Variants in CHL1 observed in about 807,000 individuals in gnomAD.
CHL1 encodes cell adhesion molecule L1 like.
Under a neutral mutation model 141.9 loss-of-function variants are expected in CHL1, and 96 were observed. The ratio of observed to expected loss-of-function variants is 0.68; its 90% CI spans 0.57 to 0.80. CHL1 has a LOEUF of 0.80. Ranked by LOEUF, CHL1 falls within the 30% of genes least tolerant of loss-of-function variation. The pLI, the probability that CHL1 is intolerant of heterozygous loss-of-function variation, is 0.00. For missense variants in CHL1, 1,820 were observed against 1,457.2 expected (o/e 1.25, Z -4.05); for synonymous variants, 613 against 502.2 (o/e 1.22, Z -2.95).
At chr3:315,392 C>T (rs1559242021) in intron 2 of CHL1, among the ~76,000 whole-genome samples, 1 of 152,102 alleles carries the variant, frequency 6.6e-6, no homozygotes, top group African/African-American at 2.4e-5. Context: ...AGTAGCTTTG[C>T]ACTTACTTGG....
chr3:366,120 G>A lies in CHL1; in HGVS notation c.1751+5G>A. 6.2e-7 allele frequency: 1 copy of A among 1,612,206 alleles called. No individual in the cohort carries two copies. Among genetic ancestry groups the A allele is most frequent in the Non-Finnish European group, 8.5e-7 (1 of 1,178,906 alleles). The stretch of plus-strand genomic sequence containing the variant: ...TAATGGCACAGAAGATGGCAGGTAG[G>A]TAAACTATTATGATATGTCATAATA... On this transcript the variant is annotated splice_donor_5th_base_variant and intron_variant, in intron 15 of 27. Transcript: ENST00000256509.
intron 27 of CHL1, among the ~76,000 whole-genome samples, chr3:403,573 C>A (rs1275993934): frequency 1.3e-5 from 2 of 151,932 alleles, no homozygotes; most frequent in Non-Finnish European, 1.5e-5. Flanking sequence ...CACAAACAAA[C>A]AAACAAGCAA....
chr3:357,488 G>A (rs13083718), intron 11 of CHL1, among the ~76,000 whole-genome samples: 78,666 of 151,958 alleles, frequency 0.52, 21,694 homozygotes, highest in Admixed American at 0.68. Context: ...ACTCAGAGAG[G>A]TTACATTACT....
At chr3:198,562 T>C (rs1698620779) in intron 1 of CHL1, among the ~76,000 whole-genome samples, 1 of 152,182 alleles carries the variant, frequency 6.6e-6, no homozygotes, top group South Asian at 2.1e-4. Context: ...ATACGGAGAT[T>C]ATCGATACCC....
At chr3:398,800 CA>C (rs1269856913) in intron 25 of CHL1, among the ~76,000 whole-genome samples, 1 of 152,182 alleles carries the variant, frequency 6.6e-6, no homozygotes, top group African/African-American at 2.4e-5. Context: ...TCCTCGGAAT[CA>C]AACACAACTC....
At chr3:322,894 A>T (rs942079529) in intron 3 of CHL1, among the ~76,000 whole-genome samples, 1 of 151,406 alleles carries the variant, frequency 6.6e-6, no homozygotes, top group Non-Finnish European at 1.5e-5. Flanking sequence ...CTCTCAAAAC[A>T]AAGCAAAACA....
chr3:404,828 G>A (rs1304276593), intron 27 of CHL1, among the ~76,000 whole-genome samples: 5 of 152,216 alleles, frequency 3.3e-5, no homozygotes, highest in African/African-American at 1.2e-4. Context: ...GTCCATTAGG[G>A]CTACTATAAC....
intron 2 of CHL1, among the ~76,000 whole-genome samples, chr3:313,918 T>C (rs1031315813): frequency 3.9e-5 from 6 of 152,072 alleles, no homozygotes; most frequent in Non-Finnish European, 7.4e-5. Context: ...GGCTATAACT[T>C]TCAAAACTCT....
rs749941954 is a variant in CHL1 at position 328,137 on chromosome 3, A to G, written c.198-30A>G. The G allele has an allele frequency of 6.2e-5, 95 of 1,538,438 alleles. 1 individual carries two copies. Among genetic ancestry groups the G allele is most frequent in the Middle Eastern group, 5.2e-4 (3 of 5,792 alleles). On this transcript the variant is annotated intron_variant, in intron 4 of 27. Transcript: ENST00000256509. ...CTCTAAACATATGTCATTATTTTTC[A>G]GGATTATTAAGTTCAGTTTTATGTT... is the stretch of plus-strand genomic sequence containing the variant.
At chr3:242,681 AACAC>A (rs71634793) in intron 1 of CHL1, among the ~76,000 whole-genome samples, 27 of 142,982 alleles carry the variant, frequency 1.9e-4, no homozygotes, top group East Asian at 1.0e-3. Context: ...CATGCACACA[AACAC>A]ACACACACAC....
intron 2 of CHL1, among the ~76,000 whole-genome samples, chr3:306,923 A>G (rs962347735): frequency 2.0e-5 from 3 of 152,214 alleles, no homozygotes; most frequent in Admixed American, 2.0e-4. Flanking sequence ...GCAAAGAAAA[A>G]TAAAATCATA....
intron 5 of CHL1, among the ~76,000 whole-genome samples, chr3:336,959 G>A (rs1449692727): frequency 6.6e-6 from 1 of 152,124 alleles, no homozygotes; most frequent in East Asian, 1.9e-4. Context: ...CAAAAACCTA[G>A]ATGTGAATAT....
intron 15 of CHL1, among the ~76,000 whole-genome samples, chr3:374,759 G>A (rs978413891): frequency 2.6e-5 from 4 of 152,168 alleles, no homozygotes; most frequent in South Asian, 2.1e-4. Flanking sequence ...GGGCATGCAC[G>A]GTGATATAGC....
intron 2 of CHL1, among the ~76,000 whole-genome samples, chr3:294,011 C>T (rs1427821305): frequency 2.0e-5 from 3 of 151,916 alleles, no homozygotes; most frequent in East Asian, 1.9e-4. Context: ...ACCCATCCAC[C>T]TTAGATTTTT....
At chr3:286,668 T>C (rs941040102) in intron 2 of CHL1, among the ~76,000 whole-genome samples, 17 of 151,642 alleles carry the variant, frequency 1.1e-4, no homozygotes, top group African/African-American at 3.9e-4. Flanking sequence ...ATGGCTACTC[T>C]ATAGACAGAA....
At chr3:251,928 A>T (rs923394201) in intron 2 of CHL1, among the ~76,000 whole-genome samples, 6 of 152,074 alleles carry the variant, frequency 3.9e-5, no homozygotes, top group African/African-American at 1.4e-4. Context: ...ACATTTTTAC[A>T]GTCCTGTTTA....
intron 1 of CHL1, among the ~76,000 whole-genome samples, chr3:207,785 C>T (rs1699567194): frequency 6.6e-6 from 1 of 152,188 alleles, no homozygotes; most frequent in Non-Finnish European, 1.5e-5. Flanking sequence ...GAGGAGCAAA[C>T]TTCAAAGGGT....
intron 2 of CHL1, among the ~76,000 whole-genome samples, chr3:253,521 A>T (rs1693895450): frequency 6.6e-6 from 1 of 152,136 alleles, no homozygotes; most frequent in Admixed American, 6.6e-5. Flanking sequence ...GCGGGCCAAT[A>T]AAGTTCCATA....
At chr3:288,739 C>T (rs1697397212) in intron 2 of CHL1, among the ~76,000 whole-genome samples, 1 of 152,154 alleles carries the variant, frequency 6.6e-6, no homozygotes, top group South Asian at 2.1e-4. Flanking sequence ...AGGCTGTGTC[C>T]ACAGGGAATT....
Sources: allele counts gnomAD v4.1 joint callset (sites outside exome capture counted in the v4.1 genomes callset), GRCh38; gene constraint gnomAD v4.1.1; transcripts MANE v1.5; gene names NCBI Gene and HGNC (gene_info 2026-07-23, HGNC 2026-07-21).